The following PDGFRA variants were observed in gnomAD, a reference collection of about 807,000 sequenced individuals.
PDGFRA encodes the protein platelet derived growth factor receptor alpha, also known as platelet-derived growth factor receptor alpha.
A neutral mutation model predicts 121.5 loss-of-function variants in PDGFRA; 25 were observed. That is an observed-to-expected ratio of 0.21 (90% confidence interval 0.15 to 0.29). PDGFRA has a LOEUF of 0.29. PDGFRA is among the 10% of genes least tolerant of loss of function. PDGFRA has a pLI of 1.00. For missense variants in PDGFRA, 1,008 were observed against 1,345.1 expected, an observed-to-expected ratio of 0.75 and a Z score of 3.92; for synonymous variants, 463 against 494.8, an observed-to-expected ratio of 0.94 and a Z score of 0.85.
At chr4:54,285,299 TGG>T (rs1724282091) in intron 16 of PDGFRA, 70 bp from the exon 17 acceptor site, 2 of 779,556 alleles carry the variant, frequency 2.6e-6, no homozygotes, top group South Asian at 2.7e-5. Flanking sequence ...ATGTGTTCTT[TGG>T]GCATGCCTCT....
chr4:54,233,520 G>A (rs536152599), intron 1 of PDGFRA, among the ~76,000 whole-genome samples: 1 of 152,352 alleles, frequency 6.6e-6, no homozygotes, highest in Admixed American at 6.5e-5. Context: ...CGGGCGGTCG[G>A]CGCCGCTATC....
At chr4:54,264,259 G>T (rs1009128759) in intron 4 of PDGFRA, 3 of 443,340 alleles carry the variant, frequency 6.8e-6, no homozygotes, top group South Asian at 3.9e-5. Flanking sequence ...CAGGGGGTTA[G>T]ATGCCTAGAT....
chr4:54,278,620 G>A, intron 15 of PDGFRA, 105 bp downstream of exon 15: 1 of 1,145,896 alleles, frequency 8.7e-7, no homozygotes, highest in Non-Finnish European at 1.3e-6. Flanking sequence ...CAGTGCCCAA[G>A]GTAGCAAGAC....
chr4:54,272,669 G>A (rs1158339363), intron 9 of PDGFRA, 149 bp downstream of exon 9: 1 of 833,436 alleles, frequency 1.2e-6, no homozygotes, highest in Non-Finnish European at 2.0e-6. Context: ...ATGAATAGCT[G>A]TGAGAAGAAG....
At position 54,289,065 on chromosome 4, in the gene PDGFRA, A is replaced by G; in HGVS notation, c.2831A>G (p.Tyr944Cys). ...GAGCCGGAGAAGAGACCCTCCTTTTACCACCTGAGTGAGATTGTGGAGAAT... is the reference window on the plus strand; with the variant it reads ...GAGCCGGAGAAGAGACCCTCCTTTTGCCACCTGAGTGAGATTGTGGAGAAT... ...NSEPEKRPSFYHLSEIVENLL... is the reference protein window; with the variant it reads ...NSEPEKRPSFCHLSEIVENLL... Residue 944 changes from tyrosine to cysteine, a missense_variant, in exon 21 of 23, where the codon TAC (tyrosine) becomes TGC (cysteine). This residue lies in a region of PDGFRA where 204 missense variants were observed against 243.0 expected (regional missense o/e 0.84). Transcript: ENST00000257290. 6.2e-7 allele frequency: 1 copy of G among 1,611,168 alleles called. No homozygotes were observed. The highest frequency in any genetic ancestry group is 8.5e-7 in the Non-Finnish European group (1 of 1,177,378).
At chr4:54,246,261 T>C (rs1721655051) in intron 1 of PDGFRA, among the ~76,000 whole-genome samples, 1 of 152,114 alleles carries the variant, frequency 6.6e-6, no homozygotes, top group African/African-American at 2.4e-5. Flanking sequence ...CAACAGAATA[T>C]ACATGTTTTT....
At chr4:54,293,383 C>A (rs1054828103) in intron 22 of PDGFRA, among the ~76,000 whole-genome samples, 2 of 151,276 alleles carry the variant, frequency 1.3e-5, no homozygotes, top group African/African-American at 4.9e-5. Context: ...CAGTTGTCTG[C>A]CTTTTGTAAC....
At chr4:54,244,738 GAGA>G (rs1363919638) in intron 1 of PDGFRA, among the ~76,000 whole-genome samples, 7 of 152,230 alleles carry the variant, frequency 4.6e-5, no homozygotes, top group Admixed American at 3.3e-4. Flanking sequence ...GACGAGTTGA[GAGA>G]AGAAGGCTTC....
At chr4:54,243,893 A>AG (rs1450442292) in intron 1 of PDGFRA, among the ~76,000 whole-genome samples, 1 of 152,196 alleles carries the variant, frequency 6.6e-6, no homozygotes, top group Non-Finnish European at 1.5e-5. Context: ...GGCTTAAAAA[A>AG]AGGCACACCA....
chr4:54,280,125 G>T (rs1479601595), intron 15 of PDGFRA, among the ~76,000 whole-genome samples, 191 bp from the exon 16 acceptor site: 1 of 152,058 alleles, frequency 6.6e-6, no homozygotes, highest in Non-Finnish European at 1.5e-5. Flanking sequence ...GCATGTATTT[G>T]TGCGACTATT....
At chr4:54,240,288 G>A (rs182027716) in intron 1 of PDGFRA, among the ~76,000 whole-genome samples, 19 of 152,314 alleles carry the variant, frequency 1.2e-4, no homozygotes, top group East Asian at 5.8e-4. Flanking sequence ...GAGTTCTCCC[G>A]TTGTGTTGAC....
rs1723832897 is a variant in PDGFRA at position 54,278,004 on chromosome 4, C to T, written c.2000C>T (p.Ser667Leu). The part of the protein sequence containing the change: ...IVNLLGACTK[S>L]GPIYIITEYC... ...AACTTGCTGGGAGCCTGCACCAAGT[C>T]AGGTGGGCTCACTGACCTGGAGTGA... Residue 667 changes from serine (S) to leucine (L), a missense_variant and splice_region_variant, in exon 14 of 23, where the codon TCA (serine) becomes TTA (leucine). Physicochemically the swap from Ser to Leu is moderately radical, Grantham distance 145. Around this residue, in one of 5 missense-constraint regions of PDGFRA, gnomAD observed 61 missense variants for 125.3 expected, o/e 0.49. Transcript: ENST00000257290. 1 of 1,583,632 alleles carries T rather than the reference C, an allele frequency of 6.3e-7. No homozygotes were observed. The highest frequency in any genetic ancestry group is 1.3e-5 in the African/African-American group (1 of 74,298).
intron 9 of PDGFRA, 131 bp downstream of exon 9, chr4:54,272,651 C>T (rs2110288084): frequency 1.0e-6 from 1 of 975,062 alleles, no homozygotes. Flanking sequence ...GGGTGTGTAT[C>T]TTTTGTCATG....
intron 14 of PDGFRA, 139 bp from the exon 15 acceptor site, chr4:54,278,223 T>TAAAA: frequency 1.8e-6 from 1 of 546,216 alleles, no homozygotes; most frequent in Non-Finnish European, 3.1e-6. Context: ...GGCTCTTTAT[T>TAAAA]AAAAAAAAAA....
intron 1 of PDGFRA, among the ~76,000 whole-genome samples, chr4:54,255,511 T>TA (rs1162290745): frequency 6.6e-6 from 1 of 151,198 alleles, no homozygotes; most frequent in Non-Finnish European, 1.5e-5. Flanking sequence ...CCTTTCTTTT[T>TA]TTTTTTTTTT....
At chr4:54,280,625 G>A (rs1019952378) in intron 16 of PDGFRA, 143 bp downstream of exon 16, 1 of 667,810 alleles carries the variant, frequency 1.5e-6, no homozygotes, top group South Asian at 1.6e-5. Flanking sequence ...TGCACAACCA[G>A]TTCTGTGACA....
intron 16 of PDGFRA, among the ~76,000 whole-genome samples, chr4:54,283,145 C>T (rs1724156591): frequency 6.6e-6 from 1 of 152,202 alleles, no homozygotes; most frequent in Non-Finnish European, 1.5e-5. Flanking sequence ...CCCCTCGTAG[C>T]TTCACGAGGC....
intron 16 of PDGFRA, among the ~76,000 whole-genome samples, chr4:54,285,073 A>G (rs1475812490): frequency 1.3e-5 from 2 of 150,340 alleles, no homozygotes; most frequent in South Asian, 4.2e-4. Flanking sequence ...TTTTTGTATT[A>G]TTAGTAGAGA....
In PDGFRA at chr4:54,295,801, G is replaced by C. The variant is rs552647720; in HGVS notation, c.*529G>C. On this transcript the variant is annotated 3_prime_UTR_variant, in exon 23 of 23. Transcript: ENST00000257290. ...CATTTTTGAACCTTAAAAGGTACTG[G>C]TACTATAGCATTTTGCTATCTTTTT... The C allele has an allele frequency of 1.7e-5, 4 of 239,532 alleles. No homozygotes were observed. Among genetic ancestry groups the C allele is most frequent in the African/African-American group, 6.6e-5 (3 of 45,474 alleles). The allele number at this position is 239,532 out of a possible 1,614,324, so 14.8% of individuals were successfully genotyped here. A position where few individuals can be genotyped will look rare whatever the true frequency, so the allele number is the denominator to read the frequency against.
Sources: allele counts gnomAD v4.1 joint callset (sites outside exome capture counted in the v4.1 genomes callset), GRCh38; gene constraint gnomAD v4.1.1; regional missense constraint gnomAD v4.1.1; transcripts MANE v1.5; gene names NCBI Gene and HGNC (gene_info 2026-07-23, HGNC 2026-07-21).